Variants in N4BP2L2 observed in about 807,000 individuals in gnomAD.
N4BP2L2 encodes NEDD4-binding protein 2-like 2.
In N4BP2L2, 50 loss-of-function variants were observed where a neutral mutation model predicts 56.2. The ratio of observed to expected loss-of-function variants is 0.89; its 90% confidence interval spans 0.71 to 1.13. N4BP2L2 has a LOEUF of 1.13. Among genes scored for constraint, N4BP2L2 ranks in the 50% most tolerant of loss-of-function variants. The pLI is 0.00. For synonymous variants in N4BP2L2, 203 were observed against 223.6 expected, an observed-to-expected ratio of 0.91 and a Z score of 0.82; for missense variants, 689 against 693.8, an observed-to-expected ratio of 0.99 and a Z score of 0.08.
chr13:32,440,977 C>T (rs1461109324), intron 7 of N4BP2L2, among the ~76,000 whole-genome samples: 1 of 151,224 alleles, frequency 6.6e-6, no homozygotes, highest in Non-Finnish European at 1.5e-5. Flanking sequence ...GCCTCAGCCT[C>T]CTAAGTAGCT....
chr13:32,457,003 G>C (rs1442839080), intron 6 of N4BP2L2, among the ~76,000 whole-genome samples: 1 of 152,110 alleles, frequency 6.6e-6, no homozygotes, highest in African/African-American at 2.4e-5. Flanking sequence ...GCCCAACATG[G>C]TGGCTCATGC....
intron 6 of N4BP2L2, among the ~76,000 whole-genome samples, chr13:32,458,862 A>G (rs1016500062): frequency 6.6e-6 from 1 of 152,208 alleles, no homozygotes; most frequent in African/African-American, 2.4e-5. Context: ...CACACGTAAC[A>G]TTCTCCAGGA....
rs145425490 is a variant in N4BP2L2, at chr13:32,519,191, G to A, written c.1551-1188C>T. 1.8e-3 allele frequency among the ~76,000 whole-genome samples: 277 copies of A among 151,684 alleles called. 2 individuals carry two copies. Among genetic ancestry groups the A allele is most frequent in the Middle Eastern group, 6.8e-3 (2 of 294 alleles). ...CAGTGCTGAGGCCAGCGGAATGCTT[G>A]GGCCCAGGAGTTCAAGAGCCCAGTG... On this transcript the variant is annotated intron_variant, in intron 5 of 5. Transcript: ENST00000267068.
chr13:32,434,287 A>G (rs1369836470), intron 9 of N4BP2L2, among the ~76,000 whole-genome samples: 1 of 142,216 alleles, frequency 7.0e-6, no homozygotes, highest in African/African-American at 2.6e-5. Context: ...TAGTAGAGAC[A>G]GGGTTTCACC....
intron 6 of N4BP2L2, among the ~76,000 whole-genome samples, chr13:32,492,923 T>TG (rs2087541938): frequency 6.9e-6 from 1 of 144,268 alleles, no homozygotes; most frequent in Non-Finnish European, 1.5e-5. Context: ...TCTGTTTTTT[T>TG]TTTTTTTTTT....
Position 32,492,795 on chromosome 13 carries a change from T to G in N4BP2L2, c.365+25062A>C, listed in dbSNP as rs536004499. Among the ~76,000 whole-genome samples, 107 of 152,044 alleles carry G rather than the reference T, an allele frequency of 7.0e-4. 1 individual carries two copies. Among genetic ancestry groups the G allele is most frequent in the African/African-American group, 2.5e-3 (102 of 41,498 alleles). On this transcript the variant is annotated intron_variant, in intron 6 of 9. Coordinates refer to the N4BP2L2 transcript ENST00000357505. ...AAAATAAAAAATTTCCAAAAGTGCA[T>G]GGTATCAAAAGTACAAATTAAAAAT...
In N4BP2L2 at chr13:32,463,918, C is replaced by CAAAA. The variant is rs58685358; in HGVS notation, c.366-19796_366-19793dup. On this transcript the variant is annotated intron_variant, in intron 6 of 9. Transcript: ENST00000357505. ...TAGAATGGCCCTACCTGCCCATGAC[C>CAAAA]AAAAAAAAAAAAAAAAAAAAGGTAA... 3.4e-4 allele frequency among the ~76,000 whole-genome samples: 22 copies of CAAAA among 64,164 alleles called. 9 individuals carry two copies. Among genetic ancestry groups the CAAAA allele is most frequent in the South Asian group, 1.5e-3 (2 of 1,312 alleles). The allele number at this position is 64,164 out of a possible 152,430, so 42.1% of individuals were successfully genotyped here.
intron 6 of N4BP2L2, among the ~76,000 whole-genome samples, chr13:32,445,787 T>A (rs1439885704): frequency 6.6e-6 from 1 of 152,202 alleles, no homozygotes; most frequent in African/African-American, 2.4e-5. Flanking sequence ...TGGTGTTTCA[T>A]CCAGCACACT....
chr13:32,506,057 T>C (rs779713842), downstream of N4BP2L2: 5 of 152,178 alleles, frequency 3.3e-5, no homozygotes, highest in Non-Finnish European at 7.4e-5. Context: ...GTATCACAGA[T>C]TGGGTAGTTT....
At chr13:32,504,088 A>C (rs2090504389) in intron 6 of N4BP2L2, among the ~76,000 whole-genome samples, 1 of 152,208 alleles carries the variant, frequency 6.6e-6, no homozygotes, top group African/African-American at 2.4e-5. Flanking sequence ...AAATTTTTCG[A>C]AACAACATAT....
At chr13:32,434,076 G>GTGTTT (rs2075164086) in intron 9 of N4BP2L2, among the ~76,000 whole-genome samples, 1 of 151,288 alleles carries the variant, frequency 6.6e-6, no homozygotes, top group South Asian at 2.1e-4. Context: ...ACAGTTTTTT[G>GTGTTT]TGTTTTGTTT....
At chr13:32,456,120 G>C (rs2138590108) in intron 6 of N4BP2L2, among the ~76,000 whole-genome samples, 1 of 152,246 alleles carries the variant, frequency 6.6e-6, no homozygotes. Flanking sequence ...ATGCCACCCA[G>C]AGGCCCAAGG....
At chr13:32,443,079 T>C in exon 7 of N4BP2L2, 1 of 1,606,332 alleles carries the variant, frequency 6.2e-7, no homozygotes, top group Non-Finnish European at 8.5e-7. Context: ...TCTTCCTCCT[T>C]TTCTTATTTT....
intron 6 of N4BP2L2, among the ~76,000 whole-genome samples, chr13:32,467,749 G>A (rs368830232): frequency 7.9e-5 from 12 of 151,634 alleles, no homozygotes; most frequent in African/African-American, 2.7e-4. Context: ...AGCACTTTGG[G>A]AGGCCAAGGC....
At chr13:32,462,988 A>G (rs1444734602) in intron 6 of N4BP2L2, among the ~76,000 whole-genome samples, 1 of 151,560 alleles carries the variant, frequency 6.6e-6, no homozygotes, top group Non-Finnish European at 1.5e-5. Flanking sequence ...GGCTGCAGTG[A>G]GCTGAGATTG....
chr13:32,506,079 A>G (rs2090897578), downstream of N4BP2L2: 1 of 152,182 alleles, frequency 6.6e-6, no homozygotes, highest in African/African-American at 2.4e-5. Flanking sequence ...AAGAACAGAA[A>G]TTTATTTTCT....
chr13:32,483,648 TA>T (rs761627077), intron 6 of N4BP2L2, among the ~76,000 whole-genome samples: 4 of 152,224 alleles, frequency 2.6e-5, no homozygotes, highest in African/African-American at 4.8e-5. Flanking sequence ...ATTGCATGAT[TA>T]CTTTTTACTT....
chr13:32,537,082 A>T (rs1178763934), intron 1 of N4BP2L2, 55 bp from the exon 2 acceptor site: 1 of 1,212,170 alleles, frequency 8.2e-7, no homozygotes, highest in Non-Finnish European at 1.1e-6. Context: ...AATCTAAATA[A>T]AATTTTCTTC....
chr13:32,469,069 C>T (rs191538675), intron 6 of N4BP2L2, among the ~76,000 whole-genome samples: 8 of 152,332 alleles, frequency 5.3e-5, no homozygotes, highest in East Asian at 1.9e-4. Context: ...TGAATAAAAC[C>T]ATATTCAACT....
Sources: allele counts gnomAD v4.1 joint callset (sites outside exome capture counted in the v4.1 genomes callset), GRCh38; gene constraint gnomAD v4.1.1; transcripts MANE v1.5; gene names NCBI Gene and HGNC (gene_info 2026-07-23, HGNC 2026-07-21).